The following CDH10 variants were observed in gnomAD, a reference collection of about 807,000 sequenced individuals.
CDH10 encodes cadherin 10, also known as cadherin-10.
CDH10 carries 30 observed loss-of-function variants against 73.1 expected under a neutral mutation model. That is an observed-to-expected ratio of 0.41 (90% confidence interval 0.31 to 0.56). CDH10 has a LOEUF of 0.56. Ranked by LOEUF, CDH10 falls within the 20% of genes least tolerant of loss-of-function variation. CDH10 has a pLI of 0.27. For missense variants in CDH10, 815 were observed against 973.7 expected (o/e 0.84, Z 2.17); for synonymous variants, 345 against 348.2 (o/e 0.99, Z 0.10).
chr5:24,545,197 T>C (rs1046551091), intron 2 of CDH10, among the ~76,000 whole-genome samples: 2 of 152,202 alleles, frequency 1.3e-5, no homozygotes, highest in Admixed American at 6.6e-5. Flanking sequence ...ATGAAAATTA[T>C]CTCCTTGTGG....
At chr5:24,620,700 A>G (rs912446777) in intron 1 of CDH10, among the ~76,000 whole-genome samples, 4 of 152,142 alleles carry the variant, frequency 2.6e-5, no homozygotes, top group Non-Finnish European at 5.9e-5. Flanking sequence ...TGCCAGTTGT[A>G]TACTACCACA....
intron 2 of CDH10, among the ~76,000 whole-genome samples, chr5:24,552,443 G>C (rs1229955790): frequency 2.0e-5 from 3 of 151,772 alleles, no homozygotes; most frequent in East Asian, 1.9e-4. Context: ...TAATTTTCTT[G>C]TGAGTTTTTC....
intron 2 of CDH10, among the ~76,000 whole-genome samples, chr5:24,576,032 C>A (rs1396369513): frequency 2.0e-5 from 3 of 152,096 alleles, no homozygotes; most frequent in Non-Finnish European, 4.4e-5. Context: ...AAAGAGCTAT[C>A]ATTCCTGCAT....
chr5:24,602,625 G>T (rs1189475291), intron 1 of CDH10, among the ~76,000 whole-genome samples: 2 of 152,116 alleles, frequency 1.3e-5, no homozygotes, highest in Non-Finnish European at 2.9e-5. Context: ...CATTGCATGT[G>T]TGTGTATATG....
intron 2 of CDH10, among the ~76,000 whole-genome samples, chr5:24,566,953 T>G (rs1474555225): frequency 6.6e-6 from 1 of 152,120 alleles, no homozygotes; most frequent in Non-Finnish European, 1.5e-5. Flanking sequence ...GGTAAATATC[T>G]TATATCCAGA....
At chr5:24,563,448 G>T (rs1322620188) in intron 2 of CDH10, among the ~76,000 whole-genome samples, 1 of 40,136 alleles carries the variant, frequency 2.5e-5, no homozygotes, top group Non-Finnish European at 5.0e-5. Flanking sequence ...TTTTATAGAA[G>T]CTTAAAAAAA....
intron 5 of CDH10, among the ~76,000 whole-genome samples, chr5:24,530,490 G>A (rs1347141638): frequency 6.6e-6 from 1 of 151,600 alleles, no homozygotes; most frequent in Non-Finnish European, 1.5e-5. Context: ...AAGGAAAAGG[G>A]GTAAACAGGA....
chr5:24,642,654 C>T (rs1318604950), intron 1 of CDH10, among the ~76,000 whole-genome samples: 1 of 152,060 alleles, frequency 6.6e-6, no homozygotes, highest in African/African-American at 2.4e-5. Context: ...AATTAATAAA[C>T]AGTTTCTATA....
intron 1 of CDH10, among the ~76,000 whole-genome samples, chr5:24,628,355 C>T (rs999812530): frequency 1.3e-5 from 2 of 152,150 alleles, no homozygotes; most frequent in Non-Finnish European, 2.9e-5. Context: ...CATTTTAAAG[C>T]TATCTTCACT....
chr5:24,639,877 AT>A lies in CDH10; in HGVS notation c.-124+4716del, dbSNP rs1747988576. 2.6e-5 allele frequency among the ~76,000 whole-genome samples: 4 copies of A among 151,790 alleles called. No individual in the cohort carries two copies. In the South Asian group the frequency reaches 8.3e-4, roughly 31 times the overall value. ...TGAGCATAATAATTCATGTCTGTAC[AT>A]TCTACATTCTGATAATTTGGAGGAG... On this transcript the variant is annotated intron_variant, in intron 1 of 11. Coordinates refer to ENST00000264463, the MANE Select transcript of CDH10 (RefSeq NM_006727.5).
At chr5:24,522,790 T>G (rs1743382873) in intron 5 of CDH10, among the ~76,000 whole-genome samples, 1 of 152,218 alleles carries the variant, frequency 6.6e-6, no homozygotes, top group South Asian at 2.1e-4. Context: ...GTCTGCCTTT[T>G]TTCTCTTTGA....
At chr5:24,608,538 G>A (rs1402490433) in intron 1 of CDH10, among the ~76,000 whole-genome samples, 1 of 152,154 alleles carries the variant, frequency 6.6e-6, no homozygotes, top group East Asian at 1.9e-4. Flanking sequence ...TGATCCGCCC[G>A]TCTCGACCTC....
At chr5:24,556,488 A>T (rs1315773562) in intron 2 of CDH10, among the ~76,000 whole-genome samples, 1 of 151,898 alleles carries the variant, frequency 6.6e-6, no homozygotes, top group Non-Finnish European at 1.5e-5. Context: ...AGAATCTCAA[A>T]ATTCCAAAAA....
chr5:24,593,577 C>T lies in CDH10; in HGVS notation c.-87G>A. 1.5e-6 allele frequency: 1 copy of T among 666,972 alleles called. No individual in the cohort carries two copies. Among genetic ancestry groups the T allele is most frequent in the East Asian group, 2.8e-5 (1 of 36,308 alleles). 41.3% of individuals were successfully genotyped at this position (666,972 alleles called of 1,614,324 possible). A position where few individuals can be genotyped will look rare whatever the true frequency, so the allele number is the denominator to read the frequency against. ...GTTTTACTGTGTTTCAACTGGTTTC[C>T]AACATTTCATCAATGTTTTGTTCAT... On this transcript the variant is annotated 5_prime_UTR_variant, in exon 2 of 12. An upstream open reading frame in the 5' UTR gains an earlier in-frame stop. Transcript: ENST00000264463.
chr5:24,492,209 C>T (rs957215768), intron 10 of CDH10, among the ~76,000 whole-genome samples: 1 of 152,188 alleles, frequency 6.6e-6, no homozygotes, highest in African/African-American at 2.4e-5. Flanking sequence ...TGCATCTGTG[C>T]GTGTGTGCTT....
chr5:24,545,298 A>G (rs1243886008), intron 2 of CDH10, among the ~76,000 whole-genome samples: 1 of 152,204 alleles, frequency 6.6e-6, no homozygotes, highest in Non-Finnish European at 1.5e-5. Context: ...CAATATAGGG[A>G]TATATGTACA....
chr5:24,504,508 T>G (rs4348179), intron 8 of CDH10, among the ~76,000 whole-genome samples: 7,015 of 7,674 alleles, frequency 0.91, 3,211 homozygotes, highest in Middle Eastern at 1. Context: ...CTATTAATCT[T>G]TTTTTTTTTT....
At chr5:24,550,394 A>G (rs1744502261) in intron 2 of CDH10, among the ~76,000 whole-genome samples, 1 of 152,174 alleles carries the variant, frequency 6.6e-6, no homozygotes, top group Admixed American at 6.5e-5. Flanking sequence ...AAAAAAAATG[A>G]TGTATTCCAC....
At chr5:24,516,227 T>C (rs187938956) in intron 5 of CDH10, among the ~76,000 whole-genome samples, 2 of 152,326 alleles carry the variant, frequency 1.3e-5, no homozygotes, top group Admixed American at 1.3e-4. Context: ...TAGTGTATTA[T>C]ATCATAGCAG....
Sources: gnomAD v4.1 joint callset for allele counts (sites outside exome capture counted in the v4.1 genomes callset) on GRCh38, gnomAD v4.1.1 for gene constraint, MANE v1.5 for transcripts, NCBI Gene and HGNC (gene_info 2026-07-23, HGNC 2026-07-21) for gene names.